Variants in ADGRD1 observed in about 807,000 individuals in gnomAD.
ADGRD1 encodes the protein adhesion G protein-coupled receptor D1.
A neutral mutation model predicts 113.4 loss-of-function variants in ADGRD1; 77 were observed. The ratio of observed to expected loss-of-function variants is 0.68; its 90% CI spans 0.57 to 0.82. The LOEUF (loss-of-function observed/expected upper bound fraction) is 0.82. Ranked by LOEUF, ADGRD1 falls within the 40% of genes least tolerant of loss-of-function variation. The pLI, the probability that ADGRD1 is intolerant of heterozygous loss-of-function variation, is 0.00. For synonymous variants in ADGRD1, 474 were observed against 475.0 expected, an observed-to-expected ratio of 1.00 and a Z score of 0.03; for missense variants, 1,036 against 1,139.1, an observed-to-expected ratio of 0.91 and a Z score of 1.30.
intron 12 of ADGRD1, among the ~76,000 whole-genome samples, chr12:131,008,778 A>G (rs1877504920): frequency 6.6e-6 from 1 of 152,174 alleles, no homozygotes; most frequent in South Asian, 2.1e-4. Context: ...CGGGGCTGAG[A>G]CTGGCCTGCT....
At position 131,033,051 on chromosome 12, in the gene ADGRD1, C is replaced by G. The variant is rs185843168; in HGVS notation, c.1473+18711C>G. ...ACTTCATTTGCAGCTTCCTCTCCTC[C>G]CGAGCTAAATGGCGCGCGACGAGCC... On this transcript the variant is annotated intron_variant, in intron 13 of 24. Transcript: ENST00000261654. 9.9e-3 allele frequency among the ~76,000 whole-genome samples: 1,515 copies of G among 152,354 alleles called. 49 individuals carry two copies. The highest frequency in any genetic ancestry group is 0.067 in the Admixed American group (1,021 of 15,306).
intron 20 of ADGRD1, among the ~76,000 whole-genome samples, chr12:131,124,520 G>A (rs1448238599): frequency 1.3e-5 from 2 of 152,210 alleles, no homozygotes; most frequent in Non-Finnish European, 2.9e-5. Flanking sequence ...GTCCTGGCAA[G>A]GTTCATCCTG....
chr12:130,991,182 C>T (rs980869740), intron 7 of ADGRD1, 104 bp downstream of exon 7: 5 of 854,958 alleles, frequency 5.8e-6, no homozygotes, highest in South Asian at 2.9e-5. Context: ...TCTCTGTTAT[C>T]GGCAGTACAT....
chr12:130,993,601 C>T (rs991225797), intron 8 of ADGRD1, among the ~76,000 whole-genome samples: 1 of 152,064 alleles, frequency 6.6e-6, no homozygotes, highest in Non-Finnish European at 1.5e-5. Context: ...TCCACCACTC[C>T]CGGCTCTGTG....
chr12:131,020,305 G>A lies in ADGRD1; in HGVS notation c.1473+5965G>A, dbSNP rs77352897. Among the ~76,000 whole-genome samples the A allele has an allele frequency of 6.0e-3, 909 of 150,814 alleles. 10 individuals are homozygous for A. Among genetic ancestry groups the A allele is most frequent in the African/African-American group, 0.02 (834 of 40,926 alleles). Reference sequence around the variant, plus strand: ...ACCCCAAGCTCCATCCAGGGCAGGGGGTGCTCGAGGGAGATGTTCCAGGGG... The same window carrying A: ...ACCCCAAGCTCCATCCAGGGCAGGGAGTGCTCGAGGGAGATGTTCCAGGGG... On this transcript the variant is annotated intron_variant, in intron 13 of 24. Transcript: ENST00000261654.
intron 20 of ADGRD1, among the ~76,000 whole-genome samples, chr12:131,124,452 T>A (rs1049861833): frequency 6.6e-6 from 1 of 152,240 alleles, no homozygotes; most frequent in Non-Finnish European, 1.5e-5. Context: ...CTGCATAATT[T>A]GAAAATTAAA....
chr12:130,967,186 G>A (rs1871098034), intron 3 of ADGRD1: 2 of 379,654 alleles, frequency 5.3e-6, no homozygotes, highest in African/African-American at 4.1e-5. Context: ...TGTTTGAAGG[G>A]CCCCCGTTTC....
At chr12:130,973,065 A>G (rs1180818474) in intron 4 of ADGRD1, 1 of 152,180 alleles carries the variant, frequency 6.6e-6, no homozygotes, top group African/African-American at 2.4e-5. Context: ...GAAAAATAGG[A>G]AATTTCCACA....
chr12:131,040,158 A>G (rs1881971133), intron 13 of ADGRD1, among the ~76,000 whole-genome samples: 1 of 152,026 alleles, frequency 6.6e-6, no homozygotes, highest in South Asian at 2.1e-4. Context: ...GCTTTTTCCC[A>G]GGAGTCTGGA....
In ADGRD1 at chr12:130,971,421, G is replaced by A; in HGVS notation, c.188-37G>A. ...ATCTTCAGACTTTTAATCTCGGAAG[G>A]TTATTAACATATGATGTTGTCATTT... is the stretch of plus-strand genomic sequence containing the variant. On this transcript the variant is annotated intron_variant, in intron 3 of 24. Coordinates refer to ENST00000261654, the MANE Select transcript of ADGRD1 (RefSeq NM_198827.5). This position sits in a 1 kb window ranked among gnomAD's most constrained non-coding sequence, Gnocchi z 4.2. 6.3e-7 allele frequency: 1 copy of A among 1,597,284 alleles called. No homozygotes were observed. Among genetic ancestry groups the A allele is most frequent in the South Asian group, 1.1e-5 (1 of 89,624 alleles).
chr12:131,034,769 C>T (rs1324387610), intron 13 of ADGRD1, among the ~76,000 whole-genome samples: 1 of 152,254 alleles, frequency 6.6e-6, no homozygotes, highest in East Asian at 1.9e-4. Flanking sequence ...GAGAAGGTGG[C>T]TCTACCTGAG....
intron 13 of ADGRD1, among the ~76,000 whole-genome samples, chr12:131,043,101 A>G (rs181200178): frequency 5.6e-4 from 86 of 152,300 alleles, no homozygotes; most frequent in Non-Finnish European, 1.0e-3. Context: ...ATCAACCCAA[A>G]GCTGAGCAAA....
At position 131,140,256 on chromosome 12, in the gene ADGRD1, CCACGCGGCAGGTAG is replaced by C. The variant is rs1045455979; in HGVS notation, c.*997_*1010del. 1 of 152,212 alleles carries C rather than the reference CCACGCGGCAGGTAG, an allele frequency of 6.6e-6. No individual in the cohort carries two copies. Among genetic ancestry groups the C allele is most frequent in the Admixed American group, 6.5e-5 (1 of 15,286 alleles). 9.4% of individuals were successfully genotyped at this position (152,212 alleles called of 1,614,324 possible). On this transcript the variant is annotated 3_prime_UTR_variant, in exon 25 of 25. Coordinates refer to ENST00000261654, the MANE Select transcript of ADGRD1 (RefSeq NM_198827.5). Reference sequence around the variant, plus strand: ...CTCTACGAAGTTTCTAATGGGCAGACCACGCGGCAGGTAGCACAGTGCGCTCCGTCTGGTCACCA... The same window carrying C: ...CTCTACGAAGTTTCTAATGGGCAGACCACAGTGCGCTCCGTCTGGTCACCA...
In ADGRD1 at chr12:130,971,534, G is replaced by A. The variant is rs1357192986; in HGVS notation, c.264G>A (p.Arg88=). The change falls in exon 4 of 25, where the codon AGG becomes AGA. Residue 88 remains arginine, a synonymous_variant. Coordinates refer to ENST00000261654, the MANE Select transcript of ADGRD1 (RefSeq NM_198827.5). This position sits in a 1 kb window ranked among gnomAD's most constrained non-coding sequence, Gnocchi z 4.2. ...GAGTCACGCTTCTCTATTACGGCAG[G>A]TACAACAGCTCCTGCATCAGCAAGC... ...EKGVTLLYYG[R]YNSSCISKPE... is the part of the protein sequence containing the mutation. 6.2e-7 allele frequency: 1 copy of A among 1,613,416 alleles called. No individual in the cohort carries two copies. The highest frequency in any genetic ancestry group is 8.5e-7 in the Non-Finnish European group (1 of 1,179,678).
At chr12:131,032,047 G>A (rs1198452040) in intron 13 of ADGRD1, among the ~76,000 whole-genome samples, 1 of 152,196 alleles carries the variant, frequency 6.6e-6, no homozygotes, top group African/African-American at 2.4e-5. Context: ...CCCACAGATA[G>A]AGGGGGTGAC....
At chr12:131,124,634 C>G (rs193119271) in intron 20 of ADGRD1, among the ~76,000 whole-genome samples, 1 of 152,060 alleles carries the variant, frequency 6.6e-6, no homozygotes, top group African/African-American at 2.4e-5. Context: ...TAACACCCCC[C>G]ACCAGGCGTC....
chr12:131,097,986 A>G (rs1232062444), intron 15 of ADGRD1, among the ~76,000 whole-genome samples: 1 of 152,166 alleles, frequency 6.6e-6, no homozygotes, highest in Non-Finnish European at 1.5e-5. Context: ...TCCTGCTGGC[A>G]TGGGCGTCCC....
At chr12:131,099,278 A>C (rs1045496009) in intron 15 of ADGRD1, among the ~76,000 whole-genome samples, 1 of 152,038 alleles carries the variant, frequency 6.6e-6, no homozygotes, top group African/African-American at 2.4e-5. Flanking sequence ...CCCACTCAGT[A>C]TTTCTCTCCC....
intron 2 of ADGRD1, among the ~76,000 whole-genome samples, chr12:130,958,987 A>C (rs947742961): frequency 6.6e-6 from 1 of 152,226 alleles, no homozygotes; most frequent in African/African-American, 2.4e-5. Context: ...TATTAAGCCC[A>C]AGAAGCTCAC....
Sources: gnomAD v4.1 joint callset for allele counts (sites outside exome capture counted in the v4.1 genomes callset) on GRCh38, gnomAD v4.1.1 for gene constraint, Gnocchi (gnomAD v3.1) non-coding constraint, MANE v1.5 for transcripts, NCBI Gene and HGNC (gene_info 2026-07-23, HGNC 2026-07-21) for gene names.